Variants in FBXO28 observed in about 807,000 individuals in gnomAD.
The protein encoded by FBXO28 is F-box only protein 28.
A neutral mutation model predicts 38.1 loss-of-function variants in FBXO28; 8 were observed. The ratio of observed to expected loss-of-function variants is 0.21; its 90% CI spans 0.12 to 0.38. The LOEUF is 0.38. Ranked by LOEUF, FBXO28 falls within the 10% of genes least tolerant of loss-of-function variation. The pLI is 1.00. For missense variants in FBXO28, 345 were observed against 460.6 expected (o/e 0.75, Z 2.30); for synonymous variants, 168 against 173.8 (o/e 0.97, Z 0.26).
intron 3 of FBXO28, among the ~76,000 whole-genome samples, chr1:224,145,500 A>T (rs1010961905): frequency 3.3e-5 from 5 of 152,174 alleles, no homozygotes; most frequent in Non-Finnish European, 7.3e-5. Flanking sequence ...TGTATAATAT[A>T]GTAAATACTA....
chr1:224,130,696 A>G (rs983678128), intron 2 of FBXO28, 115 bp downstream of exon 2: 2 of 621,336 alleles, frequency 3.2e-6, no homozygotes, highest in Admixed American at 2.8e-5. Context: ...AGCAAAGGGC[A>G]CAAAGATCAC....
At chr1:224,114,489 G>A (rs1572001245) in intron 1 of FBXO28, 93 bp downstream of exon 1, 2 of 1,102,842 alleles carry the variant, frequency 1.8e-6, no homozygotes, top group Non-Finnish European at 2.6e-6. Context: ...GGAGCCCCCC[G>A]CGAGCCCCAG....
At chr1:224,147,669 A>G (rs1036665635) in intron 3 of FBXO28, among the ~76,000 whole-genome samples, 10 of 151,828 alleles carry the variant, frequency 6.6e-5, no homozygotes, top group Non-Finnish European at 1.0e-4. Flanking sequence ...GGGACTGACT[A>G]TTTTACTTCT....
chr1:224,135,725 G>T (rs143117331), intron 3 of FBXO28, among the ~76,000 whole-genome samples: 2 of 152,074 alleles, frequency 1.3e-5, no homozygotes, highest in Non-Finnish European at 2.9e-5. Flanking sequence ...TGTTTGGAAT[G>T]GTGATGTTGA....
In FBXO28 at chr1:224,157,144, A is replaced by G. The variant is rs1425670208; in HGVS notation, c.713-208A>G. On this transcript the variant is annotated intron_variant, in intron 4 of 4. Coordinates refer to ENST00000366862, the MANE Select transcript of FBXO28 (RefSeq NM_015176.4). ...TTCCTGGCAGTCTACATACTGCCAC[A>G]TGAGCAGGAGAATCAGAATTTAAAC... Among the ~76,000 whole-genome samples, 3 of 152,202 alleles carry G rather than the reference A, an allele frequency of 2.0e-5. No individual in the cohort carries two copies. In the East Asian group the frequency reaches 5.8e-4, roughly 29 times the overall value.
chr1:224,151,580 A>G (rs1657648316), intron 3 of FBXO28, among the ~76,000 whole-genome samples: 2 of 152,192 alleles, frequency 1.3e-5, no homozygotes, highest in Non-Finnish European at 2.9e-5. Flanking sequence ...GGGAAGATGG[A>G]TTATAAGATT....
intron 1 of FBXO28, among the ~76,000 whole-genome samples, chr1:224,120,535 C>T (rs541133633): frequency 6.6e-6 from 1 of 152,246 alleles, no homozygotes; most frequent in African/African-American, 2.4e-5. Flanking sequence ...TCTTAAAAAC[C>T]ATTTCACTGC....
At chr1:224,119,618 TAC>T (rs939885956) in intron 1 of FBXO28, among the ~76,000 whole-genome samples, 1 of 152,170 alleles carries the variant, frequency 6.6e-6, no homozygotes, top group Non-Finnish European at 1.5e-5. Flanking sequence ...AGAGAAAATA[TAC>T]ATACCTTCCT....
At chr1:224,141,810 CAGTG>C (rs1348662728) in intron 3 of FBXO28, among the ~76,000 whole-genome samples, 2 of 152,034 alleles carry the variant, frequency 1.3e-5, no homozygotes, top group African/African-American at 2.4e-5. Flanking sequence ...CTGGGTAAGT[CAGTG>C]AGTGAGTGGT....
rs1226694834 is a variant in FBXO28 at position 224,120,993 on chromosome 1, CT to C, written c.267+6608del. Among the ~76,000 whole-genome samples, 212 of 146,346 alleles carry C rather than the reference CT, an allele frequency of 1.4e-3. 1 individual carries two copies. Among genetic ancestry groups the C allele is most frequent in the Admixed American group, 8.2e-3 (120 of 14,650 alleles). The stretch of plus-strand genomic sequence containing the variant: ...TTACTTCCAAGAGAGGAGATTAGAA[CT>C]TTTTTTTTTTACATTTTTCATTCAC... On this transcript the variant is annotated intron_variant, in intron 1 of 4. Transcript: ENST00000366862.
chr1:224,137,252 C>T (rs377715502), intron 3 of FBXO28, among the ~76,000 whole-genome samples: 11 of 151,284 alleles, frequency 7.3e-5, no homozygotes, highest in South Asian at 4.2e-4. Flanking sequence ...GGACTGGGCA[C>T]GGTGGCTCAC....
chr1:224,126,645 T>C (rs1656910274), intron 1 of FBXO28, among the ~76,000 whole-genome samples: 1 of 151,954 alleles, frequency 6.6e-6, no homozygotes, highest in Admixed American at 6.6e-5. Context: ...TGAAGCCCCA[T>C]CTCTATTACG....
intron 2 of FBXO28, among the ~76,000 whole-genome samples, chr1:224,131,913 A>T (rs1413739790): frequency 3.3e-5 from 5 of 152,192 alleles, no homozygotes; most frequent in Non-Finnish European, 7.3e-5. Flanking sequence ...ATGTATCCAG[A>T]TTATATGAGG....
At chr1:224,132,152 C>T (rs1332133079) in intron 2 of FBXO28, among the ~76,000 whole-genome samples, 4 of 152,102 alleles carry the variant, frequency 2.6e-5, no homozygotes, top group Admixed American at 2.6e-4. Flanking sequence ...ACTCAGGAGG[C>T]TTAGGCAGGA....
At chr1:224,141,121 G>A (rs144395112) in intron 3 of FBXO28, among the ~76,000 whole-genome samples, 1 of 152,034 alleles carries the variant, frequency 6.6e-6, no homozygotes, top group Admixed American at 6.6e-5. Context: ...GGCGGAGGCT[G>A]CAGTGAGCCG....
intron 3 of FBXO28, among the ~76,000 whole-genome samples, chr1:224,147,826 CAAAAAA>C (rs3065995): frequency 3.8e-4 from 48 of 127,870 alleles, no homozygotes; most frequent in Admixed American, 7.7e-4. Flanking sequence ...ATGTAATTTG[CAAAAAA>C]AAAAAAAAAA....
chr1:224,115,402 A>T (rs939147887), intron 1 of FBXO28, among the ~76,000 whole-genome samples: 3 of 152,198 alleles, frequency 2.0e-5, no homozygotes, highest in Non-Finnish European at 2.9e-5. Context: ...GGACAAAGAT[A>T]TTTCTGAATG....
At chr1:224,120,604 T>C (rs771944622) in intron 1 of FBXO28, among the ~76,000 whole-genome samples, 3 of 152,218 alleles carry the variant, frequency 2.0e-5, no homozygotes, top group Non-Finnish European at 4.4e-5. Context: ...GGCTCACGCC[T>C]GTAATCCCAG....
chr1:224,124,821 A>C (rs1456829471), intron 1 of FBXO28, among the ~76,000 whole-genome samples: 2 of 152,040 alleles, frequency 1.3e-5, no homozygotes, highest in African/African-American at 4.8e-5. Context: ...CCTTCACCTC[A>C]GGTTCAAGCG....
Sources: gnomAD v4.1 joint callset for allele counts (sites outside exome capture counted in the v4.1 genomes callset) on GRCh38, gnomAD v4.1.1 for gene constraint, MANE v1.5 for transcripts, NCBI Gene and HGNC (gene_info 2026-07-23, HGNC 2026-07-21) for gene names.